ALDH2: variants seen among roughly 807,000 people sequenced by gnomAD.
ALDH2 encodes the protein aldehyde dehydrogenase, mitochondrial.
A neutral mutation model predicts 59.6 loss-of-function variants in ALDH2; 44 were observed. The observed-to-expected ratio is 0.74, with a 90% CI of 0.58 to 0.95. ALDH2 has a LOEUF of 0.95. ALDH2 is among the 40% of genes least tolerant of loss of function. The pLI, the probability that ALDH2 is intolerant of heterozygous loss-of-function variation, is 0.00. For missense variants in ALDH2, 570 were observed against 696.3 expected, an observed-to-expected ratio of 0.82 and a Z score of 2.04; for synonymous variants, 291 against 284.0, an observed-to-expected ratio of 1.02 and a Z score of -0.25.
intron 4 of ALDH2, among the ~76,000 whole-genome samples, chr12:111,786,422 G>C (rs2068309562): frequency 6.6e-6 from 1 of 152,006 alleles, no homozygotes; most frequent in Non-Finnish European, 1.5e-5. Context: ...ATTTTTAGTG[G>C]AGATGGGGTT....
chr12:111,806,486 C>G (rs1182455575), intron 12 of ALDH2, among the ~76,000 whole-genome samples: 1 of 152,148 alleles, frequency 6.6e-6, no homozygotes, highest in Non-Finnish European at 1.5e-5. Flanking sequence ...AAAGAGGAGG[C>G]TCAGGGCAAG....
chr12:111,776,537 G>C (rs1419564101), intron 1 of ALDH2, among the ~76,000 whole-genome samples: 3 of 151,994 alleles, frequency 2.0e-5, no homozygotes, highest in African/African-American at 7.3e-5. Flanking sequence ...AAGGCAGGAG[G>C]ATCACTTGAG....
rs1350271701 is a variant in ALDH2 at position 111,812,344 on chromosome 12, T to C, written c.*2769T>C. ...ATAACTCTTGTTGTTTTATATATTTTATTATACTGGAACAGCTCGTGCCCT... is the reference window on the plus strand; with the variant it reads ...ATAACTCTTGTTGTTTTATATATTTCATTATACTGGAACAGCTCGTGCCCT... On this transcript the variant is annotated 3_prime_UTR_variant, in exon 13 of 13. Coordinates refer to ENST00000261733, the MANE Select transcript of ALDH2 (RefSeq NM_000690.4). The C allele has an allele frequency of 1.3e-5, 2 of 152,138 alleles. No homozygotes were observed. Among genetic ancestry groups the C allele is most frequent in the African/African-American group, 4.8e-5 (2 of 41,406 alleles). 9.4% of individuals were successfully genotyped at this position (152,138 alleles called of 1,614,324 possible).
In ALDH2 at chr12:111,766,972, A is replaced by C; in HGVS notation, c.-11A>C. 2 of 1,520,478 alleles carry C rather than the reference A, an allele frequency of 1.3e-6. No individual in the cohort carries two copies. Among genetic ancestry groups the C allele is most frequent in the Admixed American group, 2.0e-5 (1 of 50,058 alleles). 94.2% of individuals were successfully genotyped at this position (1,520,478 alleles called of 1,614,324 possible). The stretch of plus-strand genomic sequence containing the variant: ...GCTCTCGGTCCGCTCGCTGTCCGCT[A>C]GCCCGCTGCGATGTTGCGCGCTGCC... On this transcript the variant is annotated 5_prime_UTR_variant, in exon 1 of 13. Coordinates refer to ENST00000261733, the MANE Select transcript of ALDH2 (RefSeq NM_000690.4).
intron 7 of ALDH2, among the ~76,000 whole-genome samples, 196 bp downstream of exon 7, chr12:111,791,615 A>T (rs1226261040): frequency 3.9e-5 from 6 of 152,030 alleles, no homozygotes; most frequent in African/African-American, 1.4e-4. Flanking sequence ...TGCCCTTGGG[A>T]GGGGCCAGTG....
At position 111,792,752 on chromosome 12, in the gene ALDH2, CT is replaced by C; in HGVS notation, c.1056del (p.Phe352LeufsTer59). On this transcript the variant is annotated frameshift_variant, in exon 9 of 13. Transcript: ENST00000261733. LOFTEE classifies it high-confidence loss of function. The stretch of plus-strand genomic sequence containing the variant: ...CCAAGTCTCGGGTGGTCGGGAACCC[CT>C]TTGATAGCAAGACCGAGCAGGGGCC... ...RAKSRVVGNPFDSKTEQGPQV... is the reference protein window; with the variant it reads ...RAKSRVVGNPXDSKTEQGPQV... 6.4e-7 allele frequency: 1 copy of C among 1,558,700 alleles called. No individual in the cohort carries two copies. Among genetic ancestry groups the C allele is most frequent in the Non-Finnish European group, 8.7e-7 (1 of 1,152,136 alleles).
intron 9 of ALDH2, among the ~76,000 whole-genome samples, chr12:111,796,826 C>T (rs945108344): frequency 1.3e-5 from 2 of 152,070 alleles, no homozygotes; most frequent in Non-Finnish European, 2.9e-5. Flanking sequence ...GATACCTGAG[C>T]TCAGGGAGAT....
Position 111,800,051 on chromosome 12 carries a change from C to T in ALDH2, c.1394C>T (p.Ala465Val), listed in dbSNP as rs757893333. ...AATTACCTGTCCCAGGCCCTCCAGGCGGGCACTGTGTGGTAAGAGCCTCCC... is the reference window on the plus strand; with the variant it reads ...AATTACCTGTCCCAGGCCCTCCAGGTGGGCACTGTGTGGTAAGAGCCTCCC... ...KANYLSQALQ[A>V]GTVWVNCYDV... Residue 465 changes from alanine (A) to valine (V), a missense_variant, in exon 11 of 13, where the codon GCG (alanine) becomes GTG (valine). Transcript: ENST00000261733. 12 of 1,612,206 alleles carry T rather than the reference C, an allele frequency of 7.4e-6. No individual in the cohort carries two copies. The highest frequency in any genetic ancestry group is 2.2e-5 in the East Asian group (1 of 44,858).
chr12:111,790,011 G>A (rs1252427272), intron 5 of ALDH2, 77 bp downstream of exon 5: 1 of 1,440,580 alleles, frequency 6.9e-7, no homozygotes, highest in African/African-American at 1.4e-5. Context: ...CAGAGGTTCT[G>A]GGGTGGTGTC....
intron 12 of ALDH2, 100 bp downstream of exon 12, chr12:111,804,073 G>A: frequency 1.3e-6 from 1 of 771,808 alleles, no homozygotes; most frequent in Non-Finnish European, 2.0e-6. Context: ...TGGGGGCTCG[G>A]GGCCTGCCAG....
intron 4 of ALDH2, among the ~76,000 whole-genome samples, chr12:111,787,081 C>G (rs1240711645): frequency 6.6e-6 from 1 of 152,082 alleles, no homozygotes; most frequent in African/African-American, 2.4e-5. Flanking sequence ...TGGCGCATGC[C>G]TGTAATCTCA....
Position 111,815,468 on chromosome 12 carries a change from G to A in ALDH2, c.*5893G>A, listed in dbSNP as rs2068563696. 6.6e-6 allele frequency: 1 copy of A among 151,994 alleles called. No individual in the cohort carries two copies. The highest frequency in any genetic ancestry group is 2.4e-5 in the African/African-American group (1 of 41,376). The allele number at this position is 151,994 out of a possible 1,614,324, so 9.4% of individuals were successfully genotyped here. ...GATCCTCCTGCCTTGGCACATAGAA[G>A]GGGTTACAATATACATATATTAGAG... On this transcript the variant is annotated 3_prime_UTR_variant, in exon 13 of 13. Transcript: ENST00000261733.
intron 4 of ALDH2, among the ~76,000 whole-genome samples, chr12:111,786,769 A>G (rs2068313115): frequency 6.6e-6 from 1 of 151,338 alleles, no homozygotes; most frequent in South Asian, 2.1e-4. Flanking sequence ...CTAGTTTTGG[A>G]CTCCTGGGCT....
chr12:111,782,453 C>T (rs1485896982), intron 2 of ALDH2, among the ~76,000 whole-genome samples: 1 of 152,238 alleles, frequency 6.6e-6, no homozygotes, highest in African/African-American at 2.4e-5. Flanking sequence ...GGCGCAGTGG[C>T]GCAGGCCTGT....
intron 11 of ALDH2, among the ~76,000 whole-genome samples, chr12:111,802,553 C>G (rs2068461006): frequency 6.6e-6 from 1 of 150,736 alleles, no homozygotes; most frequent in African/African-American, 2.4e-5. Flanking sequence ...TGCACTCCAG[C>G]TTGGCAACAG....
At chr12:111,785,205 C>T in intron 3 of ALDH2, 62 bp from the exon 4 acceptor site, 1 of 1,388,308 alleles carries the variant, frequency 7.2e-7, no homozygotes, top group Admixed American at 1.7e-5. Context: ...CGCCCTCTGT[C>T]AGCCCTTTGT....
At chr12:111,790,776 C>T (rs942109593) in intron 6 of ALDH2, among the ~76,000 whole-genome samples, 5 of 152,148 alleles carry the variant, frequency 3.3e-5, no homozygotes, top group African/African-American at 1.2e-4. Flanking sequence ...TGCTCTAGGC[C>T]AGGCTTGGTG....
At chr12:111,779,529 C>G (rs2068256678) in intron 1 of ALDH2, among the ~76,000 whole-genome samples, 1 of 152,226 alleles carries the variant, frequency 6.6e-6, no homozygotes, top group African/African-American at 2.4e-5. Context: ...CCACCCCTCC[C>G]CAGCCCTGTT....
At position 111,774,997 on chromosome 12, in the gene ALDH2, T is replaced by A. The variant is rs548904490; in HGVS notation, c.115-6921T>A. On this transcript the variant is annotated intron_variant, in intron 1 of 12. Coordinates refer to ENST00000261733, the MANE Select transcript of ALDH2 (RefSeq NM_000690.4). ...GGGTTCGCCACAGCTGTTGCTGGAA[T>A]GGCGATCACTTGTCCTAAAAGTGCA... Among the ~76,000 whole-genome samples, 64 of 152,358 alleles carry A rather than the reference T, an allele frequency of 4.2e-4. 1 individual carries two copies. The highest frequency in any genetic ancestry group is 1.7e-3 in the South Asian group (8 of 4,832).
Sources: gnomAD v4.1 joint callset for allele counts (sites outside exome capture counted in the v4.1 genomes callset) on GRCh38, gnomAD v4.1.1 for gene constraint, MANE v1.5 for transcripts, NCBI Gene and HGNC (gene_info 2026-07-23, HGNC 2026-07-21) for gene names.